Variants in ACSL4 observed in about 807,000 individuals in gnomAD.
The protein encoded by ACSL4 is long-chain-fatty-acid--CoA ligase 4.
A neutral mutation model predicts 49.1 loss-of-function variants in ACSL4; 9 were observed. That is an observed-to-expected ratio of 0.18 (90% CI 0.11 to 0.32). The LOEUF is 0.32. Ranked by LOEUF, ACSL4 falls within the 10% of genes least tolerant of loss-of-function variation. The pLI is 1.00. For missense variants in ACSL4, 333 were observed against 493.7 expected, an observed-to-expected ratio of 0.67 and a Z score of 3.08; for synonymous variants, 191 against 170.3, an observed-to-expected ratio of 1.12 and a Z score of -0.95.
intron 2 of ACSL4, among the ~76,000 whole-genome samples, chrX:109,691,719 G>A (rs1309812768): frequency 8.9e-6 from 1 of 112,101 alleles, no homozygotes; most frequent in Non-Finnish European, 1.9e-5. Context: ...TCTGCAAGAC[G>A]AAATAATCAT....
rs1934478559 is a variant in ACSL4, at chrX:109,642,599, A to G, written c.*1430T>C. On this transcript the variant is annotated 3_prime_UTR_variant, in exon 16 of 16. Transcript: ENST00000672401. ...AAGCAACACACACACACACATATATATATGCATATATATAAAAAATGATTA... is the reference window on the plus strand; with the variant it reads ...AAGCAACACACACACACACATATATGTATGCATATATATAAAAAATGATTA... The G allele has an allele frequency of 9.0e-6, 1 of 111,495 alleles. No homozygotes were observed. The highest frequency in any genetic ancestry group is 3.3e-5 in the African/African-American group (1 of 30,600). 9.2% of individuals were successfully genotyped at this position (111,495 alleles called of 1,213,427 possible). A position where few individuals can be genotyped will look rare whatever the true frequency, so the allele number is the denominator to read the frequency against.
chrX:109,726,755 T>C (rs1928029142), intron 1 of ACSL4, among the ~76,000 whole-genome samples: 1 of 112,216 alleles, frequency 8.9e-6, no homozygotes, highest in Admixed American at 9.4e-5. Flanking sequence ...CATAGCTCTC[T>C]GCAGCCTCGA....
chrX:109,644,326 T>G, intron 15 of ACSL4, 140 bp from the exon 16 acceptor site: 1 of 534,990 alleles, frequency 1.9e-6, no homozygotes, highest in Non-Finnish European at 2.9e-6. Flanking sequence ...GATTCGGGTG[T>G]TGAATCACCA....
chrX:109,646,334 T>C (rs367562505), intron 15 of ACSL4, among the ~76,000 whole-genome samples: 1 of 111,740 alleles, frequency 8.9e-6, no homozygotes, highest in Admixed American at 9.5e-5. Context: ...CGGCAGAAAC[T>C]CTACAAGCCA....
At chrX:109,674,290 A>G (rs759582788) in intron 9 of ACSL4, 112 bp downstream of exon 9, 9 of 660,859 alleles carry the variant, frequency 1.4e-5, no homozygotes, top group African/African-American at 8.8e-5. Flanking sequence ...ACAAGGTAAA[A>G]TTATTTTAAA....
intron 15 of ACSL4, among the ~76,000 whole-genome samples, chrX:109,649,710 A>G (rs1301352217): frequency 9.1e-6 from 1 of 110,454 alleles, no homozygotes; most frequent in African/African-American, 3.3e-5. Context: ...TCTGCACAGC[A>G]AAAGAAACTA....
At position 109,645,589 on chromosome X, in the gene ACSL4, A is replaced by T. The variant is rs191652628; in HGVS notation, c.1856-1403T>A. ...GATGGGGAAAAAACAGAGCAGAGAA[A>T]CTGGAAACTCTAAAAAGCAGAGCGC... On this transcript the variant is annotated intron_variant, in intron 15 of 15. Coordinates refer to ENST00000672401, the MANE Select transcript of ACSL4 (RefSeq NM_001318510.2). 1.8e-4 allele frequency among the ~76,000 whole-genome samples: 20 copies of T among 112,241 alleles called. No individual in the cohort carries two copies. The East Asian group carries it at 4.5e-3, about 25-fold the overall frequency.
chrX:109,728,327 C>T (rs915263118), intron 1 of ACSL4, among the ~76,000 whole-genome samples: 4 of 112,320 alleles, frequency 3.6e-5, no homozygotes, highest in Non-Finnish European at 7.5e-5. Context: ...CATAACTTCA[C>T]TACTCAAAAT....
At chrX:109,682,645 A>G in intron 4 of ACSL4, 74 bp downstream of exon 4, 1 of 1,126,873 alleles carries the variant, frequency 8.9e-7, no homozygotes, top group Non-Finnish European at 1.2e-6. Context: ...TGTGAAAACA[A>G]GAGCATCTCA....
chrX:109,671,359 G>C (rs776065881), intron 9 of ACSL4, among the ~76,000 whole-genome samples: 1 of 110,366 alleles, frequency 9.1e-6, no homozygotes, highest in Non-Finnish European at 1.9e-5. Flanking sequence ...CGGCCTCCCC[G>C]TCTGAGAAGT....
At chrX:109,672,042 C>A (rs1323309763) in intron 9 of ACSL4, among the ~76,000 whole-genome samples, 1 of 102,050 alleles carries the variant, frequency 9.8e-6, no homozygotes, top group Non-Finnish European at 2.0e-5. Context: ...GCCAAATCCC[C>A]CTCTCTGAGA....
At chrX:109,659,559 A>C (rs184583147) in intron 14 of ACSL4, 48 bp from the exon 15 acceptor site, 54 of 868,158 alleles carry the variant, frequency 6.2e-5, no homozygotes, top group Non-Finnish European at 8.7e-5. Context: ...GAGAAAAGTT[A>C]TTCATAAACT....
At chrX:109,722,172 C>T (rs1250800528) in intron 1 of ACSL4, among the ~76,000 whole-genome samples, 2 of 111,843 alleles carry the variant, frequency 1.8e-5, no homozygotes, top group African/African-American at 6.5e-5. Context: ...GATATTTTCA[C>T]CTCTAAGTCC....
chrX:109,663,807 G>A (rs949438736), intron 12 of ACSL4, among the ~76,000 whole-genome samples: 1 of 111,259 alleles, frequency 9.0e-6, no homozygotes, highest in African/African-American at 3.3e-5. Context: ...TAACCAAAAA[G>A]AACATGCAGT....
At chrX:109,653,564 A>G (rs1274306487) in intron 15 of ACSL4, among the ~76,000 whole-genome samples, 1 of 111,541 alleles carries the variant, frequency 9.0e-6, no homozygotes, top group African/African-American at 3.3e-5. Context: ...CCAAATGTCC[A>G]ACAATGATAG....
chrX:109,700,207 C>CAAAA (rs748667601), intron 1 of ACSL4, among the ~76,000 whole-genome samples: 3 of 16,276 alleles, frequency 1.8e-4, no homozygotes, highest in African/African-American at 2.4e-4. Flanking sequence ...GACTCCGTCT[C>CAAAA]AAAAAAAAAA....
At chrX:109,689,036 T>C (rs1444760881) in intron 2 of ACSL4, among the ~76,000 whole-genome samples, 9 of 111,200 alleles carry the variant, frequency 8.1e-5, no homozygotes, top group African/African-American at 2.6e-4. Flanking sequence ...ACCTCAAACT[T>C]AGCATGTTCA....
At chrX:109,699,079 G>T (rs1925669141) in intron 1 of ACSL4, among the ~76,000 whole-genome samples, 1 of 112,546 alleles carries the variant, frequency 8.9e-6, no homozygotes. Context: ...TATTAAGAAA[G>T]CTTTTGGCCA....
At chrX:109,646,235 T>A (rs1403955661) in intron 15 of ACSL4, among the ~76,000 whole-genome samples, 1 of 110,747 alleles carries the variant, frequency 9.0e-6, no homozygotes, top group Admixed American at 9.6e-5. Context: ...TCACCAAAGT[T>A]GAAATGAAGG....
Sources: gnomAD v4.1 joint callset for allele counts (sites outside exome capture counted in the v4.1 genomes callset) on GRCh38, gnomAD v4.1.1 for gene constraint, MANE v1.5 for transcripts, NCBI Gene and HGNC (gene_info 2026-07-23, HGNC 2026-07-21) for gene names.